Variants in AKAP10 observed in about 807,000 individuals in gnomAD.
AKAP10 encodes A-kinase anchoring protein 10.
A neutral mutation model predicts 80.8 loss-of-function variants in AKAP10; 24 were observed. The observed-to-expected ratio is 0.30, with a 90% CI of 0.22 to 0.42. The LOEUF is 0.42. Ranked by LOEUF, AKAP10 falls within the 10% of genes least tolerant of loss-of-function variation. AKAP10 has a pLI of 1.00. For missense variants in AKAP10, 661 were observed against 794.9 expected (o/e 0.83, Z 2.03); for synonymous variants, 291 against 277.7 (o/e 1.05, Z -0.48).
intron 10 of AKAP10, among the ~76,000 whole-genome samples, chr17:19,925,807 G>C (rs1218161191): frequency 6.6e-6 from 1 of 152,016 alleles, no homozygotes; most frequent in Non-Finnish European, 1.5e-5. Context: ...AGAATAAAGA[G>C]GGAATATTTC....
intron 3 of AKAP10, among the ~76,000 whole-genome samples, chr17:19,959,490 G>T (rs1310939024): frequency 6.6e-6 from 1 of 152,180 alleles, no homozygotes; most frequent in African/African-American, 2.4e-5. Flanking sequence ...AGGGAAAATT[G>T]TGGATATATC....
rs1026488857 is a variant in AKAP10 at position 19,904,824 on chromosome 17, A to G, written c.*1403T>C. The G allele has an allele frequency of 6.6e-6, 1 of 152,166 alleles. No homozygotes were observed. The highest frequency in any genetic ancestry group is 1.9e-4 in the East Asian group (1 of 5,188). The allele number at this position is 152,166 out of a possible 1,614,324, so 9.4% of individuals were successfully genotyped here. ...ACACAATTAAATATAATATGGTTTA[A>G]GTACATGAATACTTCAGCTTTAAAA... On this transcript the variant is annotated 3_prime_UTR_variant, in exon 15 of 15. Coordinates refer to ENST00000225737, the MANE Select transcript of AKAP10 (RefSeq NM_007202.4).
At chr17:19,937,594 T>C (rs906088371) in intron 8 of AKAP10, among the ~76,000 whole-genome samples, 6 of 152,214 alleles carry the variant, frequency 3.9e-5, no homozygotes, top group African/African-American at 1.4e-4. Flanking sequence ...ATTGAGTAAG[T>C]TGGTCAATAC....
intron 10 of AKAP10, among the ~76,000 whole-genome samples, chr17:19,930,869 A>G (rs143231629): frequency 1.3e-5 from 2 of 151,798 alleles, no homozygotes; most frequent in Non-Finnish European, 2.9e-5. Flanking sequence ...AGCCACCATA[A>G]CCAGCTAATT....
chr17:19,928,223 T>G (rs553481345), intron 10 of AKAP10, among the ~76,000 whole-genome samples: 73 of 150,872 alleles, frequency 4.8e-4, no homozygotes, highest in Non-Finnish European at 9.1e-4. Context: ...AGACTTGGTC[T>G]CAAAAAAAAA....
chr17:19,962,614 TC>T (rs1322139406), intron 3 of AKAP10, among the ~76,000 whole-genome samples: 2 of 152,246 alleles, frequency 1.3e-5, no homozygotes, highest in Non-Finnish European at 2.9e-5. Context: ...TATTTAGTGA[TC>T]AGATATATTT....
chr17:19,927,178 G>GA (rs1052118052), intron 10 of AKAP10, among the ~76,000 whole-genome samples: 2 of 150,846 alleles, frequency 1.3e-5, no homozygotes, highest in South Asian at 2.1e-4. Context: ...TCTACAAACA[G>GA]AAAAAAAAAG....
intron 12 of AKAP10, among the ~76,000 whole-genome samples, chr17:19,916,145 C>T (rs548499331): frequency 4.6e-5 from 7 of 152,334 alleles, no homozygotes; most frequent in African/African-American, 1.7e-4. Context: ...CTTACGCCCC[C>T]GCTGCGCTCA....
At chr17:19,968,240 T>C (rs1597531989) in intron 2 of AKAP10, among the ~76,000 whole-genome samples, 174 bp downstream of exon 2, 1 of 149,242 alleles carries the variant, frequency 6.7e-6, no homozygotes, top group Non-Finnish European at 1.5e-5. Context: ...TATTATATGC[T>C]AGATGTTAAA....
chr17:19,911,041 G>C (rs2042684498), intron 12 of AKAP10, among the ~76,000 whole-genome samples: 5 of 152,176 alleles, frequency 3.3e-5, no homozygotes, highest in Admixed American at 3.3e-4. Context: ...GCAAGGTCCT[G>C]TTTAATTCAA....
At chr17:19,974,720 T>C (rs2056864702) in intron 1 of AKAP10, among the ~76,000 whole-genome samples, 1 of 151,968 alleles carries the variant, frequency 6.6e-6, no homozygotes, top group African/African-American at 2.4e-5. Context: ...TTTTTTTTTT[T>C]TGAGACAAGA....
intron 7 of AKAP10, among the ~76,000 whole-genome samples, chr17:19,940,211 A>G (rs540388740): frequency 6.6e-6 from 1 of 152,338 alleles, no homozygotes; most frequent in South Asian, 2.1e-4. Flanking sequence ...CCATTCCATG[A>G]GGACATATTA....
chr17:19,962,490 C>T (rs1597526606), intron 3 of AKAP10, among the ~76,000 whole-genome samples: 1 of 152,288 alleles, frequency 6.6e-6, no homozygotes, highest in Non-Finnish European at 1.5e-5. Flanking sequence ...TCTTCACTGA[C>T]ATTCAAATTG....
At chr17:19,922,329 T>C (rs2042826649) in intron 11 of AKAP10, among the ~76,000 whole-genome samples, 1 of 152,222 alleles carries the variant, frequency 6.6e-6, no homozygotes, top group Non-Finnish European at 1.5e-5. Context: ...TGGGTACCAA[T>C]ATACCAACTG....
intron 10 of AKAP10, among the ~76,000 whole-genome samples, chr17:19,931,477 G>A (rs867077268): frequency 1.3e-4 from 19 of 149,116 alleles, no homozygotes; most frequent in African/African-American, 4.5e-4. Context: ...TGCAACCTCT[G>A]CCTCCTGGGT....
At chr17:19,915,684 G>A (rs1305322050) in intron 12 of AKAP10, among the ~76,000 whole-genome samples, 1 of 152,152 alleles carries the variant, frequency 6.6e-6, no homozygotes, top group Non-Finnish European at 1.5e-5. Flanking sequence ...CTTGCTGGTA[G>A]AAATATAATC....
At chr17:19,910,793 T>C (rs529072100) in intron 12 of AKAP10, among the ~76,000 whole-genome samples, 10 of 152,238 alleles carry the variant, frequency 6.6e-5, no homozygotes, top group Non-Finnish European at 1.2e-4. Flanking sequence ...CTATATAAAC[T>C]AGCTGGGTGA....
intron 4 of AKAP10, among the ~76,000 whole-genome samples, chr17:19,953,006 A>T (rs573730871): frequency 7.9e-5 from 12 of 152,206 alleles, no homozygotes; most frequent in African/African-American, 2.4e-4. Context: ...TTCACATTTT[A>T]AAAAATTTTT....
intron 9 of AKAP10, among the ~76,000 whole-genome samples, chr17:19,933,175 C>T (rs2042956235): frequency 6.6e-6 from 1 of 152,080 alleles, no homozygotes; most frequent in African/African-American, 2.4e-5. Context: ...TCCGCCACCA[C>T]ACCCAGTTAA....
Sources: allele counts gnomAD v4.1 joint callset (sites outside exome capture counted in the v4.1 genomes callset), GRCh38; gene constraint gnomAD v4.1.1; transcripts MANE v1.5; gene names NCBI Gene and HGNC (gene_info 2026-07-23, HGNC 2026-07-21).